The following CLIC6 variants were observed in gnomAD, a reference collection of about 807,000 sequenced individuals.
The protein encoded by CLIC6 is chloride intracellular channel protein 6.
CLIC6 carries 39 observed loss-of-function variants against 49.2 expected under a neutral mutation model. The observed-to-expected ratio is 0.79, with a 90% CI of 0.61 to 1.04. The LOEUF is 1.04. CLIC6 is among the 50% of genes least tolerant of loss of function. CLIC6 has a pLI of 0.00. For missense variants in CLIC6, 988 were observed against 993.1 expected (o/e 0.99, Z 0.07); for synonymous variants, 446 against 433.4 (o/e 1.03, Z -0.36).
chr21:34,716,901 A>ACAC lies in CLIC6; in HGVS notation c.*419_*420insCAC, dbSNP rs1291622382. On this transcript the variant is annotated 3_prime_UTR_variant, in exon 6 of 6. Coordinates refer to ENST00000349499, the MANE Select transcript of CLIC6 (RefSeq NM_053277.3). The stretch of plus-strand genomic sequence containing the variant: ...ACACACACACACACACACACACACA[A>ACAC]TTTCATTCATATATGGTATTGCATT... 32 of 66,902 alleles carry ACAC rather than the reference A, an allele frequency of 4.8e-4. No individual in the cohort carries two copies. The highest frequency in any genetic ancestry group is 7.3e-4 in the Non-Finnish European group (24 of 32,910). The allele number at this position is 66,902 out of a possible 1,614,324, so 4.1% of individuals were successfully genotyped here.
intron 5 of CLIC6, among the ~76,000 whole-genome samples, chr21:34,710,745 A>G (rs866221458): frequency 3.6e-4 from 55 of 152,248 alleles, no homozygotes; most frequent in Admixed American, 1.2e-3. Context: ...CCCGGGAGGC[A>G]GACATTGCAG....
At chr21:34,701,334 A>G (rs1156229671) in intron 1 of CLIC6, among the ~76,000 whole-genome samples, 1 of 149,450 alleles carries the variant, frequency 6.7e-6, no homozygotes, top group East Asian at 2.0e-4. Context: ...AAAAAAAAAA[A>G]TCAGTGGTTC....
At position 34,670,002 on chromosome 21, in the gene CLIC6, C is replaced by A; in HGVS notation, c.614C>A (p.Pro205Gln). Residue 205 changes from proline to glutamine, a missense_variant, in exon 1 of 6, where the codon CCG becomes CAG. Physicochemically the swap from Pro to Gln is moderately conservative, Grantham distance 76 (BLOSUM62 -1). This residue lies in a region of CLIC6 where 57 missense variants were observed against 117.6 expected (regional missense o/e 0.48). Transcript: ENST00000349499. ...PAGDSVDAEG[P>Q]LGDNIQAEGP... ...GGGGACAGCGTAGACGCGGAGGGCC[C>A]GCTGGGGGACAACATACAAGCCGAG... 2.2e-6 allele frequency: 3 copies of A among 1,368,866 alleles called. No homozygotes were observed. Among genetic ancestry groups the A allele is most frequent in the Non-Finnish European group, 2.8e-6 (3 of 1,069,626 alleles). The allele number at this position is 1,368,866 out of a possible 1,614,324, so 84.8% of individuals were successfully genotyped here. A position where few individuals can be genotyped will look rare whatever the true frequency, so the allele number is the denominator to read the frequency against.
At position 34,670,214 on chromosome 21, in the gene CLIC6, G is replaced by T; in HGVS notation, c.826G>T (p.Ala276Ser). 7.1e-7 allele frequency: 1 copy of T among 1,412,660 alleles called. No individual in the cohort carries two copies. The highest frequency in any genetic ancestry group is 2.8e-5 in the East Asian group (1 of 35,826). The allele number at this position is 1,412,660 out of a possible 1,614,324, so 87.5% of individuals were successfully genotyped here. ...AGDSVEAEGP[A>S]GDSMDAEGPA... ...GGACAGCGTAGAAGCCGAAGGCCCGGCGGGGGACAGCATGGACGCCGAGGG... is the reference window on the plus strand; with the variant it reads ...GGACAGCGTAGAAGCCGAAGGCCCGTCGGGGGACAGCATGGACGCCGAGGG... The change falls in exon 1 of 6, where the codon GCG becomes TCG. Residue 276 changes from alanine (A) to serine (S), a missense_variant. Physicochemically the swap from Ala to Ser is moderately conservative, Grantham distance 99. Coordinates refer to ENST00000349499, the MANE Select transcript of CLIC6 (RefSeq NM_053277.3).
chr21:34,716,862 T>TCTCTCTCTCTCTCTCTCTCA lies in CLIC6; in HGVS notation c.*381_*382insTCTCTCTCTCTCTCTCTCAC. On this transcript the variant is annotated 3_prime_UTR_variant, in exon 6 of 6. Transcript: ENST00000349499. ...CTCTCTCTCTCTCTCTCTCTCTCTATCACACACACACACACACACACACAC... is the reference window on the plus strand; with the variant it reads ...CTCTCTCTCTCTCTCTCTCTCTCTATCTCTCTCTCTCTCTCTCTCACACACACACACACACACACACACAC... 6 of 131,634 alleles carry TCTCTCTCTCTCTCTCTCTCA rather than the reference T, an allele frequency of 4.6e-5. No homozygotes were observed. Among genetic ancestry groups the TCTCTCTCTCTCTCTCTCTCA allele is most frequent in the African/African-American group, 1.9e-4 (6 of 31,214 alleles). 8.2% of individuals were successfully genotyped at this position (131,634 alleles called of 1,614,324 possible). A position where few individuals can be genotyped will look rare whatever the true frequency, so the allele number is the denominator to read the frequency against.
chr21:34,716,332 G>A lies in CLIC6; in HGVS notation c.1911G>A (p.Lys637=), dbSNP rs773644106. 2.5e-6 allele frequency: 4 copies of A among 1,610,760 alleles called. No homozygotes were observed. The highest frequency in any genetic ancestry group is 3.4e-6 in the Non-Finnish European group (4 of 1,179,192). The change falls in exon 6 of 6, where the codon AAG becomes AAA. Residue 637 remains lysine (K), a synonymous_variant. Transcript: ENST00000349499. ...PKLHIIKIVA[K]KYRDFEFPSE... Reference sequence around the variant, plus strand: ...CTCTTCATTTTCAGATTGTGGCCAAGAAGTACAGAGATTTTGAATTTCCTT... The same window carrying A: ...CTCTTCATTTTCAGATTGTGGCCAAAAAGTACAGAGATTTTGAATTTCCTT...
rs191724650 is a variant in CLIC6, at chr21:34,674,361, G to T, written c.1374+3599G>T. ...CCCACTCTGGCGTTTCAAAGTGCTG[G>T]GATTATAGGCACAAGCCACCATGCC... is the stretch of plus-strand genomic sequence containing the variant. On this transcript the variant is annotated intron_variant, in intron 1 of 5. Coordinates refer to ENST00000349499, the MANE Select transcript of CLIC6 (RefSeq NM_053277.3). 2.8e-4 allele frequency among the ~76,000 whole-genome samples: 43 copies of T among 152,166 alleles called. 3 individuals are homozygous for T. Among genetic ancestry groups the T allele is most frequent in the Admixed American group, 2.6e-3 (40 of 15,288 alleles).
rs1179070889 is a variant in CLIC6, at chr21:34,706,780, T to A, written c.1375-500T>A. 3.3e-5 allele frequency among the ~76,000 whole-genome samples: 5 copies of A among 152,178 alleles called. No homozygotes were observed. In the East Asian group the frequency reaches 9.6e-4, roughly 29 times the overall value. ...TTCTTTTCCATTGTGGTGTAGTATCTCAAGGCATGGAAATACTACACTGAC... is the reference window on the plus strand; with the variant it reads ...TTCTTTTCCATTGTGGTGTAGTATCACAAGGCATGGAAATACTACACTGAC... On this transcript the variant is annotated intron_variant, in intron 1 of 5. Coordinates refer to ENST00000349499, the MANE Select transcript of CLIC6 (RefSeq NM_053277.3).
chr21:34,683,258 C>T (rs1259042980), intron 1 of CLIC6, among the ~76,000 whole-genome samples: 1 of 152,160 alleles, frequency 6.6e-6, no homozygotes, highest in Non-Finnish European at 1.5e-5. Context: ...CTATATCACC[C>T]CATCTTCAGA....
intron 1 of CLIC6, among the ~76,000 whole-genome samples, chr21:34,674,698 G>T (rs1989629499): frequency 6.6e-6 from 1 of 152,180 alleles, no homozygotes; most frequent in East Asian, 1.9e-4. Flanking sequence ...TTTTCTCAAA[G>T]AAGTGTTAAT....
At chr21:34,691,138 A>G (rs542380497) in intron 1 of CLIC6, among the ~76,000 whole-genome samples, 5 of 152,296 alleles carry the variant, frequency 3.3e-5, no homozygotes, top group African/African-American at 1.2e-4. Flanking sequence ...ACAGGGAGGT[A>G]TTGTATGTCT....
chr21:34,679,214 G>C (rs910719985), intron 1 of CLIC6, among the ~76,000 whole-genome samples: 1 of 152,204 alleles, frequency 6.6e-6, no homozygotes, highest in East Asian at 1.9e-4. Flanking sequence ...ACGGCAGAAG[G>C]GGAAGCAAAC....
chr21:34,717,124 C>A lies in CLIC6; in HGVS notation c.*642C>A, dbSNP rs1014609493. ...GCAGGAACCGGAAGCCCTGGGTCAC[C>A]CCCACTCTGCCTCATTTCTGCCTCC... On this transcript the variant is annotated 3_prime_UTR_variant, in exon 6 of 6. Coordinates refer to ENST00000349499, the MANE Select transcript of CLIC6 (RefSeq NM_053277.3). 2 of 152,218 alleles carry A rather than the reference C, an allele frequency of 1.3e-5. No individual in the cohort carries two copies. Among genetic ancestry groups the A allele is most frequent in the Non-Finnish European group, 2.9e-5 (2 of 68,102 alleles). The allele number at this position is 152,218 out of a possible 1,614,324, so 9.4% of individuals were successfully genotyped here. A position where few individuals can be genotyped will look rare whatever the true frequency, so the allele number is the denominator to read the frequency against.
chr21:34,700,446 C>CA (rs530221942), intron 1 of CLIC6, among the ~76,000 whole-genome samples: 2,604 of 64,674 alleles, frequency 0.04, 302 homozygotes, highest in African/African-American at 0.098. Context: ...GACTCCGTCT[C>CA]AAAAAAAAAA....
At position 34,670,462 on chromosome 21, in the gene CLIC6, G is replaced by T. The variant is rs1361475012; in HGVS notation, c.1074G>T (p.Arg358Ser). Reference protein sequence around the residue: ...GDARADAGEDRVGDGPQQEPG... With the variant: ...GDARADAGEDSVGDGPQQEPG... ...CAAGGGCAGACGCTGGCGAGGACAG[G>T]GTAGGGGATGGGCCACAGCAGGAGC... is the stretch of plus-strand genomic sequence containing the variant. The change falls in exon 1 of 6, where the codon AGG (arginine) becomes AGT (serine). Residue 358 changes from arginine to serine, a missense_variant. Transcript: ENST00000349499. 1 of 1,489,062 alleles carries T rather than the reference G, an allele frequency of 6.7e-7. No homozygotes were observed. The highest frequency in any genetic ancestry group is 8.9e-7 in the Non-Finnish European group (1 of 1,119,336). The allele number at this position is 1,489,062 out of a possible 1,614,324, so 92.2% of individuals were successfully genotyped here. A position where few individuals can be genotyped will look rare whatever the true frequency, so the allele number is the denominator to read the frequency against.
In CLIC6 at chr21:34,716,473, A is replaced by C; in HGVS notation, c.2052A>C (p.Arg684Ser). The C allele has an allele frequency of 6.2e-7, 1 of 1,609,676 alleles. No individual in the cohort carries two copies. The highest frequency in any genetic ancestry group is 8.5e-7 in the Non-Finnish European group (1 of 1,178,294). Residue 684 changes from arginine (R) to serine (S), a missense_variant, in exon 6 of 6, where the codon AGA becomes AGC. Arg to Ser is a moderately radical substitution (Grantham distance 110, BLOSUM62 -1). Coordinates refer to ENST00000349499, the MANE Select transcript of CLIC6 (RefSeq NM_053277.3). ...ACGCATATTCAGATGTTGCAAAAAG[A>C]ATGAAATGAAGCTGGGCTGTTTTCT... ...IEHAYSDVAK[R>S]MK is the part of the protein sequence containing the mutation.
chr21:34,670,488 C>A lies in CLIC6; in HGVS notation c.1100C>A (p.Pro367Gln). Reference sequence around the variant, plus strand: ...GTAGGGGATGGGCCACAGCAGGAGCCGGGGGAGGACGAAGAGAGACGAGAG... The same window carrying A: ...GTAGGGGATGGGCCACAGCAGGAGCAGGGGGAGGACGAAGAGAGACGAGAG... ...DRVGDGPQQEPGEDEERRERS... is the reference protein window; with the variant it reads ...DRVGDGPQQEQGEDEERRERS... The change falls in exon 1 of 6, where the codon CCG becomes CAG. Residue 367 changes from proline to glutamine, a missense_variant. Pro to Gln is a moderately conservative substitution (Grantham distance 76). This residue lies in a region of CLIC6 where 647 missense variants were observed against 596.9 expected (regional missense o/e 1.08). Transcript: ENST00000349499. 6.7e-7 allele frequency: 1 copy of A among 1,492,366 alleles called. No individual in the cohort carries two copies. Among genetic ancestry groups the A allele is most frequent in the Non-Finnish European group, 8.9e-7 (1 of 1,120,986 alleles). The allele number at this position is 1,492,366 out of a possible 1,614,324, so 92.4% of individuals were successfully genotyped here.
At chr21:34,683,063 G>A (rs1256956851) in intron 1 of CLIC6, among the ~76,000 whole-genome samples, 1 of 151,538 alleles carries the variant, frequency 6.6e-6, no homozygotes, top group Non-Finnish European at 1.5e-5. Context: ...CGCCCGTCTC[G>A]GCCTCCCAAA....
rs2145825246 is a variant in CLIC6 at position 34,718,015 on chromosome 21, A to G, written c.*1533A>G. On this transcript the variant is annotated 3_prime_UTR_variant, in exon 6 of 6. Coordinates refer to ENST00000349499, the MANE Select transcript of CLIC6 (RefSeq NM_053277.3). Reference sequence around the variant, plus strand: ...CCATACGTTTTTGGAGATTGGGTCTAGCACATGTCACCCTTGTCCACGTTG... The same window carrying G: ...CCATACGTTTTTGGAGATTGGGTCTGGCACATGTCACCCTTGTCCACGTTG... The G allele has an allele frequency of 6.5e-6, 1 of 152,764 alleles. No individual in the cohort carries two copies. Among genetic ancestry groups the G allele is most frequent in the South Asian group, 2.1e-4 (1 of 4,826 alleles). The allele number at this position is 152,764 out of a possible 1,614,324, so 9.5% of individuals were successfully genotyped here. A position where few individuals can be genotyped will look rare whatever the true frequency, so the allele number is the denominator to read the frequency against.
Sources: allele counts gnomAD v4.1 joint callset (sites outside exome capture counted in the v4.1 genomes callset), GRCh38; gene constraint gnomAD v4.1.1; regional missense constraint gnomAD v4.1.1; transcripts MANE v1.5; gene names NCBI Gene and HGNC (gene_info 2026-07-23, HGNC 2026-07-21).